FCHO2: variants seen among roughly 807,000 people sequenced by gnomAD.
FCHO2 encodes F-BAR domain only protein 2.
Under a neutral mutation model 114.1 loss-of-function variants are expected in FCHO2, and 43 were observed. The ratio of observed to expected loss-of-function variants is 0.38; its 90% CI spans 0.30 to 0.49. The LOEUF (loss-of-function observed/expected upper bound fraction) is 0.49, where lower values mean the gene tolerates loss of function less well. FCHO2 is among the 20% of genes least tolerant of loss of function. The pLI is 0.97. For missense variants in FCHO2, 807 were observed against 950.4 expected, an observed-to-expected ratio of 0.85 and a Z score of 1.98; for synonymous variants, 293 against 315.2, an observed-to-expected ratio of 0.93 and a Z score of 0.75.
chr5:73,048,716 AAG>A (rs1028103551), intron 11 of FCHO2, among the ~76,000 whole-genome samples: 4 of 152,102 alleles, frequency 2.6e-5, no homozygotes, highest in Non-Finnish European at 4.4e-5. Flanking sequence ...TCCTGGGTAA[AAG>A]AGTGAATATA....
At chr5:73,031,508 CCTCAGTCCACAAAACATTTG>C (rs1223158397) in intron 8 of FCHO2, among the ~76,000 whole-genome samples, 1 of 152,142 alleles carries the variant, frequency 6.6e-6, no homozygotes, top group Non-Finnish European at 1.5e-5. Flanking sequence ...TTGTACTTTT[CCTCAGTCCACAAAACATTTG>C]TGGTGATCAA....
At chr5:73,028,617 A>G (rs1318460861) in intron 8 of FCHO2, among the ~76,000 whole-genome samples, 1 of 151,314 alleles carries the variant, frequency 6.6e-6, no homozygotes, top group East Asian at 1.9e-4. Context: ...AAGAAGCCAG[A>G]CCAAAATAAG....
At position 73,004,635 on chromosome 5, in the gene FCHO2, T is replaced by TA. The variant is rs1488250764; in HGVS notation, c.496-1810_496-1809insA. Among the ~76,000 whole-genome samples the TA allele has an allele frequency of 6.1e-5, 9 of 148,102 alleles. 1 individual carries two copies. Among genetic ancestry groups the TA allele is most frequent in the South Asian group, 4.2e-4 (2 of 4,752 alleles). On this transcript the variant is annotated intron_variant, in intron 5 of 25. Coordinates refer to ENST00000430046, the MANE Select transcript of FCHO2 (RefSeq NM_138782.3). ...AACTACATTACTACTACAGCTTTTT[T>TA]TAAAAAAAAGGTGATATTGTTCCCT...
intron 5 of FCHO2, among the ~76,000 whole-genome samples, chr5:72,996,743 C>T (rs1754129037): frequency 6.6e-6 from 1 of 152,346 alleles, no homozygotes; most frequent in African/African-American, 2.4e-5. Flanking sequence ...CTGGGCTTTC[C>T]AAAACCTCGC....
intron 1 of FCHO2, among the ~76,000 whole-genome samples, chr5:72,958,139 A>G (rs1161010634): frequency 6.6e-6 from 1 of 150,966 alleles, no homozygotes; most frequent in Non-Finnish European, 1.5e-5. Flanking sequence ...CATTTTCTTG[A>G]TGCTGCTCTT....
intron 18 of FCHO2, among the ~76,000 whole-genome samples, chr5:73,066,575 C>CTTTTTT (rs3054234): frequency 2.0e-3 from 198 of 101,354 alleles, no homozygotes; most frequent in Middle Eastern, 6.9e-3. Context: ...AGTGCCTTTT[C>CTTTTTT]TTTTTTTTTT....
intron 11 of FCHO2, among the ~76,000 whole-genome samples, chr5:73,045,061 T>C (rs1027212771): frequency 1.3e-5 from 2 of 152,220 alleles, no homozygotes; most frequent in African/African-American, 4.8e-5. Flanking sequence ...TATTTTGAAA[T>C]AAAGATGCAT....
intron 18 of FCHO2, 42 bp from the exon 19 acceptor site, chr5:73,068,608 G>T (rs1490272674): frequency 6.3e-7 from 1 of 1,595,370 alleles, no homozygotes. Context: ...AACAAGAGAG[G>T]TATTGTTTTA....
chr5:72,958,522 C>G (rs1751680575), intron 1 of FCHO2, among the ~76,000 whole-genome samples: 1 of 152,132 alleles, frequency 6.6e-6, no homozygotes, highest in Non-Finnish European at 1.5e-5. Context: ...ATTTTCAATT[C>G]TATTCCATTG....
At chr5:72,964,835 G>A (rs573054824) in intron 1 of FCHO2, among the ~76,000 whole-genome samples, 9 of 152,136 alleles carry the variant, frequency 5.9e-5, no homozygotes, top group African/African-American at 2.2e-4. Flanking sequence ...TCAGATCTGA[G>A]GTCAACTGCA....
At chr5:73,056,212 C>A in intron 16 of FCHO2, 105 bp downstream of exon 16, 4 of 786,568 alleles carry the variant, frequency 5.1e-6, no homozygotes, top group Non-Finnish European at 8.0e-6. Flanking sequence ...TCCCTTTATG[C>A]TCCCTGCCCC....
At chr5:72,974,838 G>A (rs1342326109) in intron 2 of FCHO2, among the ~76,000 whole-genome samples, 3 of 152,140 alleles carry the variant, frequency 2.0e-5, no homozygotes, top group Non-Finnish European at 4.4e-5. Flanking sequence ...GCAGCGGCTG[G>A]TACTGGTTGT....
chr5:73,080,372 A>T (rs1743051969), intron 22 of FCHO2, among the ~76,000 whole-genome samples: 1 of 152,238 alleles, frequency 6.6e-6, no homozygotes, highest in South Asian at 2.1e-4. Context: ...GATTGTTGAA[A>T]GATGTAACCT....
chr5:73,079,458 T>C (rs556334401), intron 22 of FCHO2, among the ~76,000 whole-genome samples: 34 of 152,230 alleles, frequency 2.2e-4, no homozygotes, highest in African/African-American at 7.9e-4. Context: ...TTCAAGGCAA[T>C]GTGGACGTGA....
At chr5:73,085,800 A>G (rs1440488754) in intron 24 of FCHO2, among the ~76,000 whole-genome samples, 19 of 144,802 alleles carry the variant, frequency 1.3e-4, no homozygotes, top group African/African-American at 5.0e-4. Flanking sequence ...AAATAAATAA[A>G]TAAATAAATA....
At chr5:72,998,362 C>A (rs1415604381) in intron 5 of FCHO2, among the ~76,000 whole-genome samples, 1 of 151,912 alleles carries the variant, frequency 6.6e-6, no homozygotes, top group Non-Finnish European at 1.5e-5. Flanking sequence ...TGGCGGGCGC[C>A]TGTAGTCCCA....
intron 8 of FCHO2, chr5:73,020,735 C>T: frequency 8.5e-7 from 1 of 1,179,688 alleles, no homozygotes; most frequent in South Asian, 1.2e-5. Context: ...TGTTCTACAT[C>T]CACCTTCTCC....
chr5:73,002,092 A>G (rs1455178243), intron 5 of FCHO2, among the ~76,000 whole-genome samples: 1 of 152,214 alleles, frequency 6.6e-6, no homozygotes, highest in Admixed American at 6.5e-5. Flanking sequence ...TGAGATAAAG[A>G]TAATAGTTTT....
intron 2 of FCHO2, among the ~76,000 whole-genome samples, chr5:72,970,689 TTTTTTTATTTTTTA>T (rs965112261): frequency 6.6e-6 from 1 of 151,926 alleles, no homozygotes; most frequent in Non-Finnish European, 1.5e-5. Flanking sequence ...TCTTTTTCTT[TTTTTTTATTTTTTA>T]TTTTTTATTA....
Sources: gnomAD v4.1 joint callset for allele counts (sites outside exome capture counted in the v4.1 genomes callset) on GRCh38, gnomAD v4.1.1 for gene constraint, MANE v1.5 for transcripts, NCBI Gene and HGNC (gene_info 2026-07-23, HGNC 2026-07-21) for gene names.